The following MASP1 variants were observed in gnomAD, a reference collection of about 807,000 sequenced individuals.
MASP1 encodes mannan-binding lectin serine protease 1.
MASP1 carries 59 observed loss-of-function variants against 77.1 expected under a neutral mutation model. The ratio of observed to expected loss-of-function variants is 0.77; its 90% CI spans 0.62 to 0.95. The LOEUF is 0.95. MASP1 is among the 40% of genes least tolerant of loss of function. The pLI is 0.00. For synonymous variants in MASP1, 362 were observed against 354.5 expected (o/e 1.02, Z -0.24); for missense variants, 885 against 912.9 (o/e 0.97, Z 0.39).
downstream of MASP1, among the ~76,000 whole-genome samples, chr3:187,233,328 A>T (rs1712881395): frequency 6.6e-6 from 1 of 151,144 alleles, no homozygotes; most frequent in South Asian, 2.1e-4. Flanking sequence ...GCCCTTTAAA[A>T]CTCTTCCCAC....
At chr3:187,240,901 G>T (rs1308882397) in intron 10 of MASP1, among the ~76,000 whole-genome samples, 1 of 152,198 alleles carries the variant, frequency 6.6e-6, no homozygotes, top group Non-Finnish European at 1.5e-5. Context: ...CTCCCAAAGT[G>T]TTGAGATTAC....
chr3:187,267,091 T>A (rs1427620606), intron 2 of MASP1, among the ~76,000 whole-genome samples: 1 of 152,160 alleles, frequency 6.6e-6, no homozygotes, highest in African/African-American at 2.4e-5. Context: ...CCCAGATAAT[T>A]TGAACAAATT....
intron 4 of MASP1, among the ~76,000 whole-genome samples, chr3:187,258,105 T>C (rs1019843609): frequency 2.6e-4 from 39 of 152,362 alleles, no homozygotes; most frequent in African/African-American, 8.9e-4. Context: ...CTAACGATGC[T>C]ACAAAGTTTT....
At chr3:187,220,333 G>A in intron 15 of MASP1, 6 of 1,416,386 alleles carry the variant, frequency 4.2e-6, no homozygotes, top group Non-Finnish European at 5.9e-6. Flanking sequence ...CCCATGTATG[G>A]GTTGTAGTTC....
At chr3:187,223,424 T>G (rs1270679050) in intron 13 of MASP1, among the ~76,000 whole-genome samples, 3 of 152,238 alleles carry the variant, frequency 2.0e-5, no homozygotes, top group Non-Finnish European at 4.4e-5. Context: ...ACTTGTTTAG[T>G]TTTCTATTCT....
rs1322094187 is a variant in MASP1 at position 187,234,767 on chromosome 3, T to C, written c.*917A>G. 7.8e-7 allele frequency: 1 copy of C among 1,287,254 alleles called. No homozygotes were observed. Among genetic ancestry groups the C allele is most frequent in the Admixed American group, 2.3e-5 (1 of 43,564 alleles). The allele number at this position is 1,287,254 out of a possible 1,614,324, so 79.7% of individuals were successfully genotyped here. ...AGCAGGACACAGTGTGGGTCTTTTC[T>C]TTTTCCAGGTAATCGACTAAGTCCC... is the stretch of plus-strand genomic sequence containing the variant. On this transcript the variant is annotated 3_prime_UTR_variant, in exon 11 of 11. Transcript: ENST00000296280.
chr3:187,260,036 T>C (rs1476525297), intron 4 of MASP1, among the ~76,000 whole-genome samples: 1 of 152,214 alleles, frequency 6.6e-6, no homozygotes, highest in Non-Finnish European at 1.5e-5. Context: ...CAGGTCTGAT[T>C]GTGCTATGTC....
intron 12 of MASP1, chr3:187,225,639 C>T: frequency 1.2e-6 from 1 of 868,406 alleles, no homozygotes. Context: ...TGCCTTCATC[C>T]ACCTTTCCCA....
downstream of MASP1, among the ~76,000 whole-genome samples, chr3:187,230,054 T>G (rs1450903592): frequency 6.6e-6 from 1 of 152,232 alleles, no homozygotes; most frequent in African/African-American, 2.4e-5. Flanking sequence ...AGTCTTTCTT[T>G]GGAGGCTGCA....
intron 14 of MASP1, among the ~76,000 whole-genome samples, chr3:187,221,945 G>C (rs867111122): frequency 1.3e-5 from 2 of 152,188 alleles, no homozygotes; most frequent in Non-Finnish European, 1.5e-5. Context: ...GGAAACATAT[G>C]ATTCTCTTTC....
chr3:187,241,612 T>C, intron 9 of MASP1, 57 bp from the exon 10 acceptor site: 2 of 1,123,218 alleles, frequency 1.8e-6, no homozygotes, highest in South Asian at 2.5e-5. Flanking sequence ...TTGTAACACA[T>C]GGAAAATAGA....
At chr3:187,282,583 G>C (rs1717523550) in intron 2 of MASP1, among the ~76,000 whole-genome samples, 1 of 149,520 alleles carries the variant, frequency 6.7e-6, no homozygotes, top group South Asian at 2.1e-4. Context: ...TGCGTCCCCA[G>C]AGGGCCCCTG....
At chr3:187,237,447 T>G (rs979306650) in intron 10 of MASP1, among the ~76,000 whole-genome samples, 3 of 152,242 alleles carry the variant, frequency 2.0e-5, no homozygotes, top group Non-Finnish European at 4.4e-5. Context: ...TATAAATTGA[T>G]GCCCATGGAT....
At chr3:187,269,522 G>T (rs570122666) in intron 2 of MASP1, among the ~76,000 whole-genome samples, 2 of 152,208 alleles carry the variant, frequency 1.3e-5, no homozygotes, top group South Asian at 4.1e-4. Flanking sequence ...ACAAAGCTAA[G>T]AAGCCAGAGG....
intron 1 of MASP1, among the ~76,000 whole-genome samples, chr3:187,286,708 C>T (rs558384640): frequency 3.3e-4 from 50 of 152,188 alleles, no homozygotes; most frequent in Admixed American, 6.5e-4. Flanking sequence ...CCATGGCTGA[C>T]GCAATAACGA....
At chr3:187,255,833 C>CT (rs373806607) in intron 5 of MASP1, among the ~76,000 whole-genome samples, 67 of 147,238 alleles carry the variant, frequency 4.6e-4, no homozygotes, top group East Asian at 1.2e-3. Flanking sequence ...TTCTAGCTTC[C>CT]TTTTTTTTTT....
chr3:187,237,543 T>G (rs1032186541), intron 10 of MASP1, among the ~76,000 whole-genome samples: 4 of 152,258 alleles, frequency 2.6e-5, no homozygotes, highest in Admixed American at 6.5e-5. Flanking sequence ...CACCCATCAT[T>G]GCACCCAGGA....
At chr3:187,262,496 CGG>C (rs1491295069) in intron 3 of MASP1, 45 bp downstream of exon 3, 2 of 1,582,942 alleles carry the variant, frequency 1.3e-6, no homozygotes, top group Non-Finnish European at 1.7e-6. Flanking sequence ...TTTTCATCTT[CGG>C]AGAGAGAGAG....
exon 16 of MASP1, chr3:187,219,556 G>C (rs553582136): frequency 2.4e-5 from 4 of 168,944 alleles, no homozygotes; most frequent in African/African-American, 9.5e-5. Flanking sequence ...AGCATTTAAG[G>C]GCAGATGGAG....
Sources: allele counts gnomAD v4.1 joint callset (sites outside exome capture counted in the v4.1 genomes callset), GRCh38; gene constraint gnomAD v4.1.1; transcripts MANE v1.5; gene names NCBI Gene and HGNC (gene_info 2026-07-23, HGNC 2026-07-21).